ATAD2B: variants seen among roughly 807,000 people sequenced by gnomAD.
The protein encoded by ATAD2B is ATPase family AAA domain-containing protein 2B.
Under a neutral mutation model 167.6 loss-of-function variants are expected in ATAD2B, and 40 were observed. The observed-to-expected ratio is 0.24, with a 90% CI of 0.19 to 0.31. ATAD2B has a LOEUF of 0.31. Among genes scored for constraint, ATAD2B ranks in the 10% least tolerant of loss-of-function variants. The pLI, the probability that ATAD2B is intolerant of heterozygous loss-of-function variation, is 1.00. For missense variants in ATAD2B, 1,242 were observed against 1,757.2 expected, an observed-to-expected ratio of 0.71 and a Z score of 5.24; for synonymous variants, 579 against 596.5, an observed-to-expected ratio of 0.97 and a Z score of 0.43.
chr2:23,884,471 T>A (rs1698404135), intron 6 of ATAD2B, among the ~76,000 whole-genome samples: 1 of 152,076 alleles, frequency 6.6e-6, no homozygotes, highest in Non-Finnish European at 1.5e-5. Flanking sequence ...AAAGGCCTCA[T>A]CTAAGAAGCA....
chr2:23,696,195 C>T, the ATAD2B span: 17 of 1,508,970 alleles, frequency 1.1e-5, no homozygotes, highest in Admixed American at 4.0e-5. The surrounding 1 kb of genome is among the most constrained non-coding windows in gnomAD (Gnocchi z 5.5). Flanking sequence ...CTGCTCCCCA[C>T]GTCAGGGCTG....
chr2:23,829,842 C>A (rs1176794972), intron 14 of ATAD2B, among the ~76,000 whole-genome samples: 1 of 152,106 alleles, frequency 6.6e-6, no homozygotes, highest in Non-Finnish European at 1.5e-5. Flanking sequence ...CAATAAATAT[C>A]AATTAAATTC....
rs1172666746 is a variant in ATAD2B, at chr2:23,786,181, G to A, written c.2819C>T (p.Pro940Leu). ...MEVLPLALPSPPRQLSESEKS... is the reference protein window; with the variant it reads ...MEVLPLALPSLPRQLSESEKS... ...TTCTGATTCTGATAATTGACGAGGT[G>A]GAGAAGGTAGTGCAAGAGGAAGCAC... is the stretch of plus-strand genomic sequence containing the variant. Residue 940 changes from proline to leucine, a missense_variant, in exon 21 of 28, where the codon CCA becomes CTA. Around this residue, in one of 9 missense-constraint regions of ATAD2B, gnomAD observed 204 missense variants for 324.0 expected, o/e 0.63. Transcript: ENST00000238789. 6.3e-7 allele frequency: 1 copy of A among 1,592,528 alleles called. No individual in the cohort carries two copies. Among genetic ancestry groups the A allele is most frequent in the South Asian group, 1.1e-5 (1 of 87,502 alleles).
rs1477368623 is a variant in ATAD2B at position 23,786,187 on chromosome 2, G to C, written c.2813C>G (p.Pro938Arg). Reference sequence around the variant, plus strand: ...TTCTGATAATTGACGAGGTGGAGAAGGTAGTGCAAGAGGAAGCACTTCCAT... The same window carrying C: ...TTCTGATAATTGACGAGGTGGAGAACGTAGTGCAAGAGGAAGCACTTCCAT... ...CAMEVLPLAL[P>R]SPPRQLSESE... The change falls in exon 21 of 28, where the codon CCT becomes CGT. Residue 938 changes from proline (P) to arginine (R), a missense_variant. Pro to Arg is a moderately radical substitution (Grantham distance 103, BLOSUM62 -2). This residue lies in a region of ATAD2B where 204 missense variants were observed against 324.0 expected (regional missense o/e 0.63). Transcript: ENST00000238789. 1.3e-6 allele frequency: 2 copies of C among 1,590,354 alleles called. No individual in the cohort carries two copies.
At chr2:23,908,295 A>G (rs550449254) in intron 1 of ATAD2B, among the ~76,000 whole-genome samples, 159 of 152,276 alleles carry the variant, frequency 1.0e-3, no homozygotes, top group African/African-American at 3.6e-3. Context: ...AATTTACAAG[A>G]AAAAAACAAC....
intron 13 of ATAD2B, among the ~76,000 whole-genome samples, chr2:23,835,668 G>C (rs1418253737): frequency 3.3e-5 from 5 of 152,186 alleles, no homozygotes; most frequent in Non-Finnish European, 7.3e-5. Flanking sequence ...GGGCACAGTG[G>C]CTCACACCTG....
intron 13 of ATAD2B, among the ~76,000 whole-genome samples, chr2:23,848,158 T>C (rs1013854139): frequency 2.0e-5 from 3 of 152,130 alleles, no homozygotes; most frequent in African/African-American, 2.4e-5. Flanking sequence ...ATAAAAAATA[T>C]TTAAGATATT....
chr2:23,812,762 T>G (rs552150461), intron 17 of ATAD2B, among the ~76,000 whole-genome samples: 1 of 145,330 alleles, frequency 6.9e-6, no homozygotes, highest in African/African-American at 2.6e-5. Context: ...ACTCAGAAGA[T>G]AGAGGCAGGA....
chr2:23,850,140 A>C (rs78475878), intron 13 of ATAD2B, among the ~76,000 whole-genome samples: 1 of 139,152 alleles, frequency 7.2e-6, no homozygotes, highest in Admixed American at 6.9e-5. Context: ...CTCCGTCTCA[A>C]AAAAAAAAAA....
intron 13 of ATAD2B, among the ~76,000 whole-genome samples, chr2:23,839,599 A>G (rs1271780844): frequency 6.6e-6 from 1 of 152,146 alleles, no homozygotes; most frequent in Non-Finnish European, 1.5e-5. Flanking sequence ...CAATTTAGTC[A>G]TAATATATTA....
At position 23,806,411 on chromosome 2, in the gene ATAD2B, T is replaced by C. The variant is rs139691043; in HGVS notation, c.2454+3905A>G. On this transcript the variant is annotated intron_variant, in intron 18 of 27. Coordinates refer to ENST00000238789, the MANE Select transcript of ATAD2B (RefSeq NM_017552.4). ...ACTTCTACACAAGTCTAAGCATGAA[T>C]AGTCTCTTCTGTTCTATTACTTTGT... Among the ~76,000 whole-genome samples, 201 of 152,328 alleles carry C rather than the reference T, an allele frequency of 1.3e-3. 4 individuals are homozygous for C. The East Asian group carries it at 0.034, about 26-fold the overall frequency.
chr2:23,715,199 C>T, the ATAD2B span, among the ~76,000 whole-genome samples: 508 of 152,304 alleles, frequency 3.3e-3, 3 homozygotes, highest in African/African-American at 0.012. Flanking sequence ...AAGTCACCTG[C>T]AGCAAAGAAT....
At chr2:23,727,934 G>A in the ATAD2B span, among the ~76,000 whole-genome samples, 2 of 152,056 alleles carry the variant, frequency 1.3e-5, no homozygotes, top group African/African-American at 2.4e-5. Context: ...TGGAACACAA[G>A]GGAGTTTTAG....
Position 23,749,143 on chromosome 2 carries a change from T to C in ATAD2B, c.*2903A>G, listed in dbSNP as rs1218133830. The C allele has an allele frequency of 6.6e-6, 1 of 151,674 alleles. No homozygotes were observed. Among genetic ancestry groups the C allele is most frequent in the Non-Finnish European group, 1.5e-5 (1 of 67,918 alleles). 9.4% of individuals were successfully genotyped at this position (151,674 alleles called of 1,614,324 possible). ...GTAAACCTACAAATACATTGGCTTA[T>C]GAGAAAAATCAAGTCATGAAACAAC... On this transcript the variant is annotated 3_prime_UTR_variant, in exon 28 of 28. Coordinates refer to ENST00000238789, the MANE Select transcript of ATAD2B (RefSeq NM_017552.4).
chr2:23,881,360 C>CTTTTTTTTTTTTTTTT (rs11361642), intron 6 of ATAD2B, among the ~76,000 whole-genome samples: 2 of 80,210 alleles, frequency 2.5e-5, no homozygotes, highest in Admixed American at 1.5e-4. Context: ...GTGATCAATT[C>CTTTTTTTTTTTTTTTT]TTTTTTTTTT....
chr2:23,690,540 GAAGC>G, the ATAD2B span: 1 of 152,284 alleles, frequency 6.6e-6, no homozygotes, highest in Non-Finnish European at 1.5e-5. Flanking sequence ...GGCCTCCTGA[GAAGC>G]GAGTGAGTGG....
At chr2:23,718,844 C>A in the ATAD2B span, among the ~76,000 whole-genome samples, 1 of 152,188 alleles carries the variant, frequency 6.6e-6, no homozygotes, top group Non-Finnish European at 1.5e-5. Flanking sequence ...CTTCTTCCAT[C>A]TTCAGATCAC....
At chr2:23,807,959 AATAT>A (rs548850890) in intron 18 of ATAD2B, among the ~76,000 whole-genome samples, 2 of 127,510 alleles carry the variant, frequency 1.6e-5, no homozygotes, top group South Asian at 2.2e-4. Flanking sequence ...AAATATTTAT[AATAT>A]ATATATTATA....
chr2:23,693,979 G>A, the ATAD2B span, among the ~76,000 whole-genome samples: 4 of 152,208 alleles, frequency 2.6e-5, no homozygotes, highest in African/African-American at 7.2e-5. Context: ...CCCAGATCTC[G>A]CCATTGAGCC....
Sources: gnomAD v4.1 joint callset for allele counts (sites outside exome capture counted in the v4.1 genomes callset) on GRCh38, gnomAD v4.1.1 for gene constraint, gnomAD v4.1.1 regional missense constraint, Gnocchi (gnomAD v3.1) non-coding constraint, MANE v1.5 for transcripts, NCBI Gene and HGNC (gene_info 2026-07-23, HGNC 2026-07-21) for gene names.